Variants in IARS1 observed in about 807,000 individuals in gnomAD.
IARS1 encodes the protein isoleucine--tRNA ligase, cytoplasmic.
IARS1 carries 124 observed loss-of-function variants against 168.2 expected under a neutral mutation model. The observed-to-expected ratio is 0.74, with a 90% CI of 0.64 to 0.86. IARS1 has a LOEUF of 0.86. Ranked by LOEUF, IARS1 falls within the 40% of genes least tolerant of loss-of-function variation. The pLI is 0.00. For synonymous variants in IARS1, 532 were observed against 529.4 expected (o/e 1.00, Z -0.07); for missense variants, 1,452 against 1,515.8 (o/e 0.96, Z 0.70).
At chr9:92,248,704 T>C (rs996717194) in intron 25 of IARS1, among the ~76,000 whole-genome samples, 8 of 142,980 alleles carry the variant, frequency 5.6e-5, no homozygotes, top group Non-Finnish European at 1.5e-5. Flanking sequence ...TAGCCACAGG[T>C]ACTAATGTCA....
chr9:92,214,144 T>A (rs1170984143), intron 33 of IARS1, among the ~76,000 whole-genome samples: 1 of 151,990 alleles, frequency 6.6e-6, no homozygotes, highest in African/African-American at 2.4e-5. Flanking sequence ...TTAAAGTGTG[T>A]CTGGGTTGTC....
At chr9:92,269,407 A>T (rs1487239096) in intron 13 of IARS1, among the ~76,000 whole-genome samples, 1 of 152,236 alleles carries the variant, frequency 6.6e-6, no homozygotes, top group Non-Finnish European at 1.5e-5. Flanking sequence ...TGCAGGACAC[A>T]TATCAGCTAT....
chr9:92,282,669 G>A (rs914280909), intron 6 of IARS1, among the ~76,000 whole-genome samples: 3 of 151,906 alleles, frequency 2.0e-5, no homozygotes, highest in African/African-American at 7.3e-5. Flanking sequence ...GCTCAGGAGG[G>A]TGAGGCTGGA....
At chr9:92,253,509 G>C in intron 20 of IARS1, 56 bp from the exon 21 acceptor site, 1 of 1,148,964 alleles carries the variant, frequency 8.7e-7, no homozygotes. Context: ...ATCTGGGGTG[G>C]GGAGAGGGTT....
At chr9:92,256,044 C>T (rs765815776) in intron 20 of IARS1, among the ~76,000 whole-genome samples, 31 of 151,708 alleles carry the variant, frequency 2.0e-4, no homozygotes, top group Middle Eastern at 3.5e-3. Context: ...AGGAAATTGA[C>T]GGTCAGACTT....
chr9:92,245,174 A>C, intron 26 of IARS1, 103 bp from the exon 27 acceptor site: 3 of 881,000 alleles, frequency 3.4e-6, no homozygotes, highest in Non-Finnish European at 5.6e-6. Flanking sequence ...CACAATAACA[A>C]AGCCACAGAG....
At chr9:92,269,505 C>T (rs1197011210) in intron 13 of IARS1, among the ~76,000 whole-genome samples, 3 of 152,110 alleles carry the variant, frequency 2.0e-5, no homozygotes, top group African/African-American at 4.8e-5. Flanking sequence ...AGAGTAAGTA[C>T]AAATGGCTTT....
chr9:92,218,030 A>G (rs1393387902), intron 33 of IARS1, among the ~76,000 whole-genome samples: 1 of 152,120 alleles, frequency 6.6e-6, no homozygotes, highest in African/African-American at 2.4e-5. Flanking sequence ...CCTCAATAAA[A>G]TACTGGCAAA....
At chr9:92,215,363 G>A (rs1391854479) in intron 33 of IARS1, among the ~76,000 whole-genome samples, 1 of 152,212 alleles carries the variant, frequency 6.6e-6, no homozygotes, top group Non-Finnish European at 1.5e-5. Flanking sequence ...AAAGCAGAGT[G>A]CCTCTCCTCC....
At chr9:92,256,512 C>T in intron 20 of IARS1, 168 bp downstream of exon 20, 1 of 649,550 alleles carries the variant, frequency 1.5e-6, no homozygotes, top group South Asian at 3.0e-5. Context: ...GGTCTTGAAA[C>T]AAAGATATCA....
Position 92,271,016 on chromosome 9 carries a change from T to G in IARS1, c.1174A>C (p.Thr392Pro). 2 of 1,612,352 alleles carry G rather than the reference T, an allele frequency of 1.2e-6. No individual in the cohort carries two copies. The highest frequency in any genetic ancestry group is 8.5e-7 in the Non-Finnish European group (1 of 1,179,074). ...CAAAAAGGGTAGCTGTGAGTGAAGGTGGTGGCAACCAGAAGTCGGCCTTGT... is the reference window on the plus strand; with the variant it reads ...CAAAAAGGGTAGCTGTGAGTGAAGGGGGTGGCAACCAGAAGTCGGCCTTGT... ...KEQGRLLVAT[T>P]FTHSYPFCWR... is the part of the protein sequence containing the mutation. The change falls in exon 12 of 34, where the codon ACC becomes CCC. Residue 392 changes from threonine (T) to proline (P), a missense_variant. Thr to Pro is a conservative substitution (Grantham distance 38, BLOSUM62 -1). Transcript: ENST00000443024.
chr9:92,260,695 T>C (rs1456290944), intron 17 of IARS1, among the ~76,000 whole-genome samples: 1 of 151,998 alleles, frequency 6.6e-6, no homozygotes, highest in African/African-American at 2.4e-5. Context: ...TGGTAAGATA[T>C]TTTGTTAATA....
chr9:92,213,204 G>A (rs886953183), intron 33 of IARS1, among the ~76,000 whole-genome samples: 3 of 152,128 alleles, frequency 2.0e-5, no homozygotes, highest in African/African-American at 7.2e-5. Flanking sequence ...ATGGGGTCTG[G>A]TGGCTTAATG....
intron 1 of IARS1, 50 bp from the exon 2 acceptor site, chr9:92,289,476 A>G (rs763070061): frequency 1.2e-6 from 1 of 816,982 alleles, no homozygotes; most frequent in Admixed American, 1.8e-5. Context: ...TCTAGGAATA[A>G]CAGAGTACCA....
At chr9:92,237,687 C>G (rs1202562259) in intron 30 of IARS1, among the ~76,000 whole-genome samples, 1 of 152,190 alleles carries the variant, frequency 6.6e-6, no homozygotes, top group Non-Finnish European at 1.5e-5. Flanking sequence ...TGTACTGACA[C>G]TTCTATCATT....
intron 31 of IARS1, among the ~76,000 whole-genome samples, chr9:92,224,075 A>C (rs4743866): frequency 0.14 from 21,774 of 152,164 alleles, 1,832 homozygotes; most frequent in South Asian, 0.29. Flanking sequence ...GAACAAGGAA[A>C]CTGCTGCACC....
chr9:92,274,087 G>A (rs1833466189), intron 10 of IARS1, among the ~76,000 whole-genome samples: 1 of 152,028 alleles, frequency 6.6e-6, no homozygotes, highest in Non-Finnish European at 1.5e-5. Context: ...TGAGGGGAGA[G>A]GTCAGATTCC....
Position 92,274,532 on chromosome 9 carries a change from A to C in IARS1, c.895-11T>G. ...GCCATTCTCTTTACACTGGAAAGAA[A>C]GGACAGCAGGCTTCAGGGATGAAAC... On this transcript the variant is annotated splice_polypyrimidine_tract_variant and intron_variant, in intron 9 of 33. Transcript: ENST00000443024. The C allele has an allele frequency of 6.3e-7, 1 of 1,592,178 alleles. No homozygotes were observed. Among genetic ancestry groups the C allele is most frequent in the Non-Finnish European group, 8.6e-7 (1 of 1,160,120 alleles).
intron 6 of IARS1, among the ~76,000 whole-genome samples, 176 bp from the exon 7 acceptor site, chr9:92,281,069 A>T (rs1834483215): frequency 6.6e-6 from 1 of 152,146 alleles, no homozygotes; most frequent in Non-Finnish European, 1.5e-5. Flanking sequence ...ATTTTTAAAT[A>T]CTTTAAAAAA....
Sources: gnomAD v4.1 joint callset for allele counts (sites outside exome capture counted in the v4.1 genomes callset) on GRCh38, gnomAD v4.1.1 for gene constraint, MANE v1.5 for transcripts, NCBI Gene and HGNC (gene_info 2026-07-23, HGNC 2026-07-21) for gene names.